The following ITGAV variants were observed in gnomAD, a reference collection of about 807,000 sequenced individuals.
ITGAV encodes the protein integrin alpha-V.
A neutral mutation model predicts 143.8 loss-of-function variants in ITGAV; 76 were observed. The ratio of observed to expected loss-of-function variants is 0.53; its 90% CI spans 0.44 to 0.64. The LOEUF (loss-of-function observed/expected upper bound fraction) is 0.64. ITGAV is among the 30% of genes least tolerant of loss of function. The pLI, the probability that ITGAV is intolerant of heterozygous loss-of-function variation, is 0.00. For missense variants in ITGAV, 1,193 were observed against 1,274.7 expected (o/e 0.94, Z 0.98); for synonymous variants, 453 against 446.7 (o/e 1.01, Z -0.18).
At position 186,667,670 on chromosome 2, in the gene ITGAV, G is replaced by A; in HGVS notation, c.2328-1G>A. ...GTAGGTTTTCTTTGGTCATTGTTTA[G>A]AGTCTCGAGTCCTGATCATGTCTTT... On this transcript the variant is annotated splice_acceptor_variant, in intron 23 of 29. Coordinates refer to ENST00000261023, the MANE Select transcript of ITGAV (RefSeq NM_002210.5). LOFTEE classifies it high-confidence loss of function. The A allele has an allele frequency of 6.4e-7, 1 of 1,560,916 alleles. No homozygotes were observed. The highest frequency in any genetic ancestry group is 8.8e-7 in the Non-Finnish European group (1 of 1,135,062).
chr2:186,592,911 A>G (rs1362776414), intron 1 of ITGAV, among the ~76,000 whole-genome samples: 1 of 152,082 alleles, frequency 6.6e-6, no homozygotes, highest in African/African-American at 2.4e-5. Context: ...ACAGGTTTTT[A>G]CTTACTGAGC....
rs749663033 is a variant in ITGAV, at chr2:186,638,254, ATTTGTTTG to A, written c.803-11_803-4del. On this transcript the variant is annotated splice_polypyrimidine_tract_variant and intron_variant, in intron 8 of 29. Coordinates refer to ENST00000261023, the MANE Select transcript of ITGAV (RefSeq NM_002210.5). ...CCAGTGTTGTCCTAAAAAATGAATA[ATTTGTTTG>A]TTTGTTTGTTTCAGACTTTGTTTCA... The A allele has an allele frequency of 2.5e-6, 4 of 1,610,778 alleles. No homozygotes were observed. The highest frequency in any genetic ancestry group is 3.4e-6 in the Non-Finnish European group (4 of 1,177,384).
intron 2 of ITGAV, among the ~76,000 whole-genome samples, chr2:186,602,937 G>A (rs563988941): frequency 2.0e-5 from 3 of 151,150 alleles, no homozygotes; most frequent in Admixed American, 6.6e-5. Context: ...CTTAGGTGAC[G>A]TAAACATTTA....
chr2:186,636,010 G>GTACCA, intron 6 of ITGAV, 72 bp from the exon 7 acceptor site: 5 of 1,294,176 alleles, frequency 3.9e-6, no homozygotes, highest in Non-Finnish European at 5.4e-6. Flanking sequence ...CTTCATGCAG[G>GTACCA]TACCATACAT....
intron 2 of ITGAV, among the ~76,000 whole-genome samples, chr2:186,608,585 C>T (rs1001198634): frequency 2.6e-5 from 4 of 152,082 alleles, no homozygotes; most frequent in Non-Finnish European, 5.9e-5. Context: ...GCACTGAGTA[C>T]AGTTCTCTTT....
rs377471624 is a variant in ITGAV at position 186,637,079 on chromosome 2, G to C, written c.772G>C (p.Val258Leu). Reference protein sequence around the residue: ...DDSYLGYSVAVGDFNGDGIDD... With the variant: ...DDSYLGYSVALGDFNGDGIDD... Reference sequence around the variant, plus strand: ...TTCCTGTTTAGGTTATTCTGTGGCTGTCGGAGATTTCAATGGTGATGGCAT... The same window carrying C: ...TTCCTGTTTAGGTTATTCTGTGGCTCTCGGAGATTTCAATGGTGATGGCAT... Residue 258 changes from valine (V) to leucine (L), a missense_variant, in exon 8 of 30, where the codon GTC becomes CTC. Val to Leu is a conservative substitution (Grantham distance 32). Transcript: ENST00000261023. 17 of 1,613,548 alleles carry C rather than the reference G, an allele frequency of 1.1e-5. No homozygotes were observed. Among genetic ancestry groups the C allele is most frequent in the Non-Finnish European group, 1.4e-5 (17 of 1,179,534 alleles).
At position 186,678,747 on chromosome 2, in the gene ITGAV, C is replaced by T. The variant is rs1348956204; in HGVS notation, c.*1455C>T. 1 of 455,632 alleles carries T rather than the reference C, an allele frequency of 2.2e-6. No homozygotes were observed. The highest frequency in any genetic ancestry group is 2.0e-5 in the African/African-American group (1 of 50,026). The allele number at this position is 455,632 out of a possible 1,614,324, so 28.2% of individuals were successfully genotyped here. On this transcript the variant is annotated 3_prime_UTR_variant, in exon 30 of 30. Coordinates refer to ENST00000261023, the MANE Select transcript of ITGAV (RefSeq NM_002210.5). ...TATACCTATTTTTGTGCAATTACAT[C>T]ATGTTGTACATTAGAAATGGAGAGT...
intron 1 of ITGAV, among the ~76,000 whole-genome samples, chr2:186,591,037 A>G (rs576571200): frequency 1.1e-4 from 17 of 152,274 alleles, no homozygotes; most frequent in African/African-American, 4.1e-4. Context: ...TTTTGCAGAC[A>G]TTCTGATGAC....
At chr2:186,649,924 G>A in intron 14 of ITGAV, 39 bp downstream of exon 14, 1 of 1,310,344 alleles carries the variant, frequency 7.6e-7, no homozygotes, top group Non-Finnish European at 1.1e-6. Flanking sequence ...GGAATATTCT[G>A]AATTATTTGA....
At chr2:186,645,227 G>C (rs1200373070) in intron 12 of ITGAV, among the ~76,000 whole-genome samples, 1 of 152,116 alleles carries the variant, frequency 6.6e-6, no homozygotes, top group Non-Finnish European at 1.5e-5. Flanking sequence ...CGAGAGGGGT[G>C]GTGCACTGCT....
Position 186,679,088 on chromosome 2 carries a change from A to G in ITGAV, c.*1796A>G, listed in dbSNP as rs1689287803. ...ATCATATGCAGTAAGTATTTTTATT[A>G]CCAATAAATTTAAAATTTTTTAAGA... On this transcript the variant is annotated 3_prime_UTR_variant, in exon 30 of 30. Transcript: ENST00000261023. 6.5e-6 allele frequency: 1 copy of G among 153,006 alleles called. No homozygotes were observed. The allele number at this position is 153,006 out of a possible 1,614,324, so 9.5% of individuals were successfully genotyped here.
At chr2:186,641,118 A>G (rs1574484707) in intron 11 of ITGAV, 151 bp downstream of exon 11, 1 of 710,412 alleles carries the variant, frequency 1.4e-6, no homozygotes, top group Non-Finnish European at 2.4e-6. Context: ...TTAATCATGA[A>G]TTCTAGAAAA....
intron 4 of ITGAV, among the ~76,000 whole-genome samples, chr2:186,629,219 A>C (rs1054582491): frequency 6.6e-6 from 1 of 152,090 alleles, no homozygotes; most frequent in Non-Finnish European, 1.5e-5. Flanking sequence ...GTTTATATTC[A>C]ACATGAAGTC....
intron 1 of ITGAV, among the ~76,000 whole-genome samples, chr2:186,598,436 ATT>A (rs34986292): frequency 6.0e-5 from 7 of 117,384 alleles, no homozygotes; most frequent in Admixed American, 9.3e-5. Flanking sequence ...TACTCATAGC[ATT>A]TTTTTTTTTT....
In ITGAV at chr2:186,665,236, A is replaced by C; in HGVS notation, c.2166+18A>C. 1 of 1,512,106 alleles carries C rather than the reference A, an allele frequency of 6.6e-7. No homozygotes were observed. 93.7% of individuals were successfully genotyped at this position (1,512,106 alleles called of 1,614,324 possible). A position where few individuals can be genotyped will look rare whatever the true frequency, so the allele number is the denominator to read the frequency against. ...GAACTCAAGTAAGACAATTTAATTAAACGGATTTTTCTCCCTGGCAAATAG... is the reference window on the plus strand; with the variant it reads ...GAACTCAAGTAAGACAATTTAATTACACGGATTTTTCTCCCTGGCAAATAG... On this transcript the variant is annotated intron_variant, in intron 21 of 29. Coordinates refer to ENST00000261023, the MANE Select transcript of ITGAV (RefSeq NM_002210.5).
chr2:186,626,920 A>G (rs550127275), intron 4 of ITGAV, among the ~76,000 whole-genome samples: 1 of 152,302 alleles, frequency 6.6e-6, no homozygotes, highest in Admixed American at 6.5e-5. Flanking sequence ...TTAAATTTGT[A>G]TTTTTAATTT....
At chr2:186,593,255 T>C (rs1336835918) in intron 1 of ITGAV, among the ~76,000 whole-genome samples, 6 of 152,184 alleles carry the variant, frequency 3.9e-5, no homozygotes, top group Non-Finnish European at 7.3e-5. Context: ...TTTTTCTCTT[T>C]ATAGAAAATT....
Position 186,627,498 on chromosome 2 carries a change from G to A in ITGAV, c.523+1911G>A, listed in dbSNP as rs143417676. Among the ~76,000 whole-genome samples, 100 of 152,268 alleles carry A rather than the reference G, an allele frequency of 6.6e-4. 1 individual carries two copies. The highest frequency in any genetic ancestry group is 3.4e-3 in the Middle Eastern group (1 of 294). ...ACATGGAACTCTCCTGAAAACATGCGTTCTAACAATGATTCCCTTGTTCAC... is the reference window on the plus strand; with the variant it reads ...ACATGGAACTCTCCTGAAAACATGCATTCTAACAATGATTCCCTTGTTCAC... On this transcript the variant is annotated intron_variant, in intron 4 of 29. Coordinates refer to ENST00000261023, the MANE Select transcript of ITGAV (RefSeq NM_002210.5).
At chr2:186,632,912 G>T (rs1687851221) in intron 5 of ITGAV, among the ~76,000 whole-genome samples, 2 of 151,798 alleles carry the variant, frequency 1.3e-5, no homozygotes, top group Non-Finnish European at 2.9e-5. Context: ...TTTTAGAAAA[G>T]ATACAGTGAA....
Sources: allele counts gnomAD v4.1 joint callset (sites outside exome capture counted in the v4.1 genomes callset), GRCh38; gene constraint gnomAD v4.1.1; transcripts MANE v1.5; gene names NCBI Gene and HGNC (gene_info 2026-07-23, HGNC 2026-07-21).